The following ADGRV1 variants were observed in gnomAD, a reference collection of about 807,000 sequenced individuals.
ADGRV1 encodes adhesion G protein-coupled receptor V1.
A neutral mutation model predicts 596.2 loss-of-function variants in ADGRV1; 359 were observed. The observed-to-expected ratio is 0.60, with a 90% CI of 0.55 to 0.66. The LOEUF (loss-of-function observed/expected upper bound fraction) is 0.66, where lower values mean the gene tolerates loss of function less well. Among genes scored for constraint, ADGRV1 ranks in the 30% least tolerant of loss-of-function variants. The pLI is 0.00. For synonymous variants in ADGRV1, 2,681 were observed against 2,679.2 expected (o/e 1.00, Z -0.02); for missense variants, 7,274 against 7,575.6 (o/e 0.96, Z 1.48).
At position 90,783,943 on chromosome 5, in the gene ADGRV1, C is replaced by T; in HGVS notation, c.13539C>T (p.Pro4513=). 1.2e-6 allele frequency: 2 copies of T among 1,612,250 alleles called. No individual in the cohort carries two copies. The highest frequency in any genetic ancestry group is 1.7e-6 in the Non-Finnish European group (2 of 1,179,168). ...TCATAATAGCTAAGAGTGACTCTCC[C>T]TTTGGAGTTATAAGGTTTCTCAATC... ...SRIIIAKSDS[P]FGVIRFLNQS... The change falls in exon 67 of 90, where the codon CCC becomes CCT. Residue 4513 remains proline, a synonymous_variant. Coordinates refer to ENST00000405460, the MANE Select transcript of ADGRV1 (RefSeq NM_032119.4).
chr5:90,761,746 A>G (rs2460163), intron 58 of ADGRV1, among the ~76,000 whole-genome samples: 57,156 of 152,056 alleles, frequency 0.38, 11,976 homozygotes, highest in Admixed American at 0.55. Context: ...CCCAATTCCT[A>G]CTGTATTGTT....
intron 58 of ADGRV1, 106 bp downstream of exon 58, chr5:90,759,694 G>GA: frequency 6.3e-6 from 6 of 959,996 alleles, no homozygotes; most frequent in Non-Finnish European, 9.7e-6. Flanking sequence ...GGCCAGGCAT[G>GA]GTGGCTCATG....
rs1774438920 is a variant in ADGRV1 at position 90,926,287 on chromosome 5, T to C, written c.17857-39128T>C. 2.0e-5 allele frequency among the ~76,000 whole-genome samples: 3 copies of C among 152,124 alleles called. No individual in the cohort carries two copies. The South Asian group carries it at 6.2e-4, about 32-fold the overall frequency. On this transcript the variant is annotated intron_variant, in intron 83 of 89. Coordinates refer to ENST00000405460, the MANE Select transcript of ADGRV1 (RefSeq NM_032119.4). The stretch of plus-strand genomic sequence containing the variant: ...TGGACTCTTTTTGGTTGGTAAACTA[T>C]TGATTATTGCCACAATTTCAGCTCC...
At chr5:90,941,008 C>A (rs982292240) in intron 83 of ADGRV1, among the ~76,000 whole-genome samples, 2 of 151,998 alleles carry the variant, frequency 1.3e-5, no homozygotes, top group Admixed American at 1.3e-4. Context: ...CTTTTTTCCC[C>A]CCTCCCATTT....
intron 1 of ADGRV1, among the ~76,000 whole-genome samples, chr5:90,603,631 A>G (rs1399274309): frequency 1.3e-5 from 2 of 152,022 alleles, no homozygotes; most frequent in African/African-American, 4.8e-5. Context: ...CTAAACTTCT[A>G]CAGCTGGGAA....
chr5:90,643,852 G>C lies in ADGRV1; in HGVS notation c.2603G>C (p.Ser868Thr), dbSNP rs762446772. ...VVLSSHGERE[S>T]KLGSATIVNI... ...CTCAGCAGCCACGGAGAACGGGAAAGCAAGTTGGGAAGTGCCACCATTGTC... is the reference window on the plus strand; with the variant it reads ...CTCAGCAGCCACGGAGAACGGGAAACCAAGTTGGGAAGTGCCACCATTGTC... Residue 868 changes from serine (S) to threonine (T), a missense_variant, in exon 14 of 90, where the codon AGC becomes ACC. By Grantham distance (58) the Ser-to-Thr change is moderately conservative (BLOSUM62 1). This residue lies in a region of ADGRV1 where 1,715 missense variants were observed against 1,708.8 expected (regional missense o/e 1.00). Transcript: ENST00000405460. 8 of 1,611,226 alleles carry C rather than the reference G, an allele frequency of 5.0e-6. No homozygotes were observed. The highest frequency in any genetic ancestry group is 6.8e-6 in the Non-Finnish European group (8 of 1,178,368).
At chr5:90,795,830 C>G (rs1014458156) in intron 70 of ADGRV1, among the ~76,000 whole-genome samples, 3 of 152,224 alleles carry the variant, frequency 2.0e-5, no homozygotes, top group Admixed American at 2.0e-4. Flanking sequence ...TGTTCTGCAG[C>G]CTCTGCTGGT....
intron 83 of ADGRV1, among the ~76,000 whole-genome samples, chr5:90,888,527 A>G (rs1770513779): frequency 6.6e-6 from 1 of 152,190 alleles, no homozygotes; most frequent in Non-Finnish European, 1.5e-5. Flanking sequence ...ATACATTCAA[A>G]CATATAAATG....
chr5:91,099,285 T>C (rs1791158749), intron 86 of ADGRV1, among the ~76,000 whole-genome samples: 1 of 151,900 alleles, frequency 6.6e-6, no homozygotes, highest in South Asian at 2.1e-4. Context: ...AAAAAAGTGT[T>C]CGGGTTCCCT....
intron 68 of ADGRV1, among the ~76,000 whole-genome samples, chr5:90,789,403 T>C (rs1233024920): frequency 6.6e-6 from 1 of 152,142 alleles, no homozygotes; most frequent in Non-Finnish European, 1.5e-5. Context: ...ATGTAGTAAA[T>C]ATGAGATGAA....
At chr5:90,562,607 C>T (rs7736668) in intron 1 of ADGRV1, among the ~76,000 whole-genome samples, 6 of 152,214 alleles carry the variant, frequency 3.9e-5, no homozygotes, top group African/African-American at 9.6e-5. Context: ...GGTGCAGTCA[C>T]GCGTAAGTCT....
At chr5:90,924,005 C>T (rs1487682970) in intron 83 of ADGRV1, among the ~76,000 whole-genome samples, 5 of 151,618 alleles carry the variant, frequency 3.3e-5, no homozygotes, top group Admixed American at 6.6e-5. Context: ...GTATATGTGC[C>T]ACATTTTCTT....
chr5:90,816,989 T>A (rs1034242414), intron 75 of ADGRV1, among the ~76,000 whole-genome samples: 3 of 152,066 alleles, frequency 2.0e-5, no homozygotes, highest in Non-Finnish European at 4.4e-5. Context: ...ATTGCCACAC[T>A]GACTTCCACA....
intron 87 of ADGRV1, among the ~76,000 whole-genome samples, chr5:91,141,082 A>G (rs2126845048): frequency 6.6e-6 from 1 of 152,342 alleles, no homozygotes; most frequent in Non-Finnish European, 1.5e-5. Context: ...CCAGATAGAA[A>G]CCTTGGTGTA....
intron 1 of ADGRV1, among the ~76,000 whole-genome samples, chr5:90,563,598 T>C (rs1266736844): frequency 6.6e-6 from 1 of 152,246 alleles, no homozygotes; most frequent in African/African-American, 2.4e-5. Context: ...TCTCATGCAG[T>C]ATGCACAATA....
At position 91,150,139 on chromosome 5, in the gene ADGRV1, T is replaced by G. The variant is rs2126894072; in HGVS notation, c.18542T>G (p.Phe6181Cys). 1.3e-6 allele frequency: 2 copies of G among 1,596,068 alleles called. No individual in the cohort carries two copies. Among genetic ancestry groups the G allele is most frequent in the Non-Finnish European group, 1.7e-6 (2 of 1,171,712 alleles). The change falls in exon 88 of 90, where the codon TTT (phenylalanine) becomes TGT (cysteine). Residue 6181 changes from phenylalanine (F) to cysteine (C), a missense_variant. Phe to Cys is a radical substitution (Grantham distance 205, BLOSUM62 -2). This residue lies in a region of ADGRV1 where 1,874 missense variants were observed against 1,970.2 expected (regional missense o/e 0.95). Coordinates refer to ENST00000405460, the MANE Select transcript of ADGRV1 (RefSeq NM_032119.4). Reference sequence around the variant, plus strand: ...GGGCATCCTGGACCCAGCACAGCCTTTTTCACGCCCGGGAGTGGAATGCCT... The same window carrying G: ...GGGCATCCTGGACCCAGCACAGCCTGTTTCACGCCCGGGAGTGGAATGCCT... The part of the protein sequence containing the change: ...MNGHPGPSTA[F>C]FTPGSGMPPA...
At chr5:91,082,617 T>C (rs1198393547) in intron 86 of ADGRV1, among the ~76,000 whole-genome samples, 1 of 152,200 alleles carries the variant, frequency 6.6e-6, no homozygotes, top group Non-Finnish European at 1.5e-5. Context: ...AATGTATCTC[T>C]CTAAGATTTG....
chr5:90,595,827 C>T (rs1362838655), intron 1 of ADGRV1, among the ~76,000 whole-genome samples: 4 of 145,188 alleles, frequency 2.8e-5, no homozygotes, highest in Admixed American at 6.8e-5. Flanking sequence ...GGCAGCTGGC[C>T]GGGTGGGCGG....
intron 1 of ADGRV1, among the ~76,000 whole-genome samples, chr5:90,601,993 A>G (rs1012029956): frequency 6.6e-6 from 1 of 152,212 alleles, no homozygotes; most frequent in Non-Finnish European, 1.5e-5. Flanking sequence ...CAGAAGAAAT[A>G]ATGAACGTAG....
Sources: gnomAD v4.1 joint callset for allele counts (sites outside exome capture counted in the v4.1 genomes callset) on GRCh38, gnomAD v4.1.1 for gene constraint, gnomAD v4.1.1 regional missense constraint, MANE v1.5 for transcripts, NCBI Gene and HGNC (gene_info 2026-07-23, HGNC 2026-07-21) for gene names.